AGTPBP1: variants seen among roughly 807,000 people sequenced by gnomAD.
AGTPBP1 encodes the protein cytosolic carboxypeptidase 1.
In AGTPBP1, 70 loss-of-function variants were observed where a neutral mutation model predicts 143.9. The observed-to-expected ratio is 0.49, with a 90% CI of 0.40 to 0.59. The LOEUF (loss-of-function observed/expected upper bound fraction) is 0.59, where lower values mean the gene tolerates loss of function less well. Among genes scored for constraint, AGTPBP1 ranks in the 20% least tolerant of loss-of-function variants. AGTPBP1 has a pLI of 0.00. For missense variants in AGTPBP1, 1,229 were observed against 1,464.5 expected, an observed-to-expected ratio of 0.84 and a Z score of 2.62; for synonymous variants, 463 against 500.2, an observed-to-expected ratio of 0.93 and a Z score of 0.99.
At chr9:85,765,934 T>A in the AGTPBP1 span, among the ~76,000 whole-genome samples, 1 of 152,292 alleles carries the variant, frequency 6.6e-6, no homozygotes, top group East Asian at 1.9e-4. Flanking sequence ...TAGCCCTCTG[T>A]TGCCGTTTTA....
intron 1 of AGTPBP1, among the ~76,000 whole-genome samples, chr9:85,718,459 A>C (rs903346647): frequency 1.3e-5 from 2 of 152,136 alleles, no homozygotes; most frequent in African/African-American, 2.4e-5. Context: ...TGACTGGATA[A>C]ATGTCTTCTT....
At chr9:85,563,044 T>C (rs1280054319) in intron 25 of AGTPBP1, among the ~76,000 whole-genome samples, 3 of 152,198 alleles carry the variant, frequency 2.0e-5, no homozygotes, top group Admixed American at 6.5e-5. Flanking sequence ...CCCCAGACAC[T>C]GAATCTGCTG....
intron 1 of AGTPBP1, among the ~76,000 whole-genome samples, chr9:85,733,743 T>C (rs1030826475): frequency 6.6e-6 from 1 of 152,046 alleles, no homozygotes; most frequent in Non-Finnish European, 1.5e-5. Context: ...GGACTCAAAT[T>C]ACTAAAATCA....
At chr9:85,597,535 ATGTT>A (rs1395192124) in intron 17 of AGTPBP1, among the ~76,000 whole-genome samples, 1 of 152,110 alleles carries the variant, frequency 6.6e-6, no homozygotes, top group African/African-American at 2.4e-5. Flanking sequence ...CAACTTTGTT[ATGTT>A]TAAGTCAAAA....
chr9:85,687,940 A>G (rs1473980149), intron 3 of AGTPBP1, among the ~76,000 whole-genome samples: 2 of 151,596 alleles, frequency 1.3e-5, no homozygotes, highest in African/African-American at 4.8e-5. Flanking sequence ...AAATACAAAA[A>G]ATTAGCCGGG....
chr9:85,801,897 T>C, the AGTPBP1 span, among the ~76,000 whole-genome samples: 1 of 152,238 alleles, frequency 6.6e-6, no homozygotes, highest in Admixed American at 6.5e-5. Flanking sequence ...AACACTACTG[T>C]GGAATCACTC....
intron 11 of AGTPBP1, among the ~76,000 whole-genome samples, chr9:85,648,680 C>T (rs371174303): frequency 1.8e-4 from 28 of 152,156 alleles, no homozygotes; most frequent in East Asian, 5.8e-4. Flanking sequence ...GGCGTGGTGG[C>T]GGGCACGTGT....
chr9:85,705,513 T>A (rs1836929189), intron 2 of AGTPBP1, among the ~76,000 whole-genome samples: 1 of 151,918 alleles, frequency 6.6e-6, no homozygotes, highest in Non-Finnish European at 1.5e-5. Context: ...ATATCTCTGT[T>A]CATTAAAAAA....
At chr9:85,593,188 T>C (rs993040988) in intron 18 of AGTPBP1, among the ~76,000 whole-genome samples, 3 of 152,166 alleles carry the variant, frequency 2.0e-5, no homozygotes, top group Non-Finnish European at 4.4e-5. Context: ...CTATTAAGTA[T>C]TCTTGCCAAA....
chr9:85,772,898 T>C, the AGTPBP1 span, among the ~76,000 whole-genome samples: 1 of 152,182 alleles, frequency 6.6e-6, no homozygotes, highest in Non-Finnish European at 1.5e-5. Flanking sequence ...GTTACAGAAT[T>C]ATTAAATGTA....
chr9:85,639,157 ATT>A (rs1342399170), intron 13 of AGTPBP1, among the ~76,000 whole-genome samples: 1 of 152,152 alleles, frequency 6.6e-6, no homozygotes, highest in Non-Finnish European at 1.5e-5. Flanking sequence ...AAGATTTAAA[ATT>A]TTTTATCTTT....
intron 2 of AGTPBP1, among the ~76,000 whole-genome samples, chr9:85,707,039 C>T (rs917838407): frequency 6.6e-5 from 10 of 151,608 alleles, no homozygotes; most frequent in South Asian, 2.1e-4. Flanking sequence ...AGAAAAAATA[C>T]ATCATGCTGA....
At chr9:85,696,595 G>A (rs796434238) in intron 2 of AGTPBP1, among the ~76,000 whole-genome samples, 40 of 152,096 alleles carry the variant, frequency 2.6e-4, no homozygotes, top group African/African-American at 9.4e-4. Flanking sequence ...TTGAACCCGG[G>A]AGGTGGAGGC....
At chr9:85,681,893 GT>G (rs1254298444) in intron 3 of AGTPBP1, among the ~76,000 whole-genome samples, 2 of 151,676 alleles carry the variant, frequency 1.3e-5, no homozygotes, top group Non-Finnish European at 2.9e-5. Context: ...GGGATTACAA[GT>G]GTGTGCCACC....
At chr9:85,743,603 A>G (rs1824513827), upstream of AGTPBP1, among the ~76,000 whole-genome samples, 1 of 152,204 alleles carries the variant, frequency 6.6e-6, no homozygotes, top group Admixed American at 6.5e-5. Context: ...TATATATGTT[A>G]CTGACCTCAA....
intron 3 of AGTPBP1, among the ~76,000 whole-genome samples, chr9:85,687,074 G>A (rs759838381): frequency 8.5e-5 from 13 of 152,064 alleles, no homozygotes; most frequent in Non-Finnish European, 1.8e-4. Context: ...ATAATCATTC[G>A]GCAGCTGGAG....
chr9:85,757,449 A>G, the AGTPBP1 span, among the ~76,000 whole-genome samples: 1 of 152,022 alleles, frequency 6.6e-6, no homozygotes, highest in Admixed American at 6.6e-5. Flanking sequence ...AAAAGCCATA[A>G]AAGGGAAAAG....
At chr9:85,775,619 T>C in the AGTPBP1 span, among the ~76,000 whole-genome samples, 2 of 149,708 alleles carry the variant, frequency 1.3e-5, no homozygotes, top group African/African-American at 4.9e-5. Flanking sequence ...GGGGAGTTTA[T>C]TAAGTATTGA....
rs1830697675 is a variant in AGTPBP1, at chr9:85,618,085, CA to C, written c.2335+897del. ...TGAAACCCCATCTCTACTAAAAGTACAAAAATTATCCAGGCGTGGTGGCACG... is the reference window on the plus strand; with the variant it reads ...TGAAACCCCATCTCTACTAAAAGTACAAAATTATCCAGGCGTGGTGGCACG... On this transcript the variant is annotated intron_variant, in intron 17 of 25. Coordinates refer to ENST00000357081, the MANE Select transcript of AGTPBP1 (RefSeq NM_001330701.2). Among the ~76,000 whole-genome samples the C allele has an allele frequency of 5.3e-5, 8 of 152,066 alleles. No homozygotes were observed. In the South Asian group the frequency reaches 1.7e-3, roughly 32 times the overall value.
Sources: gnomAD v4.1 joint callset for allele counts (sites outside exome capture counted in the v4.1 genomes callset) on GRCh38, gnomAD v4.1.1 for gene constraint, MANE v1.5 for transcripts, NCBI Gene and HGNC (gene_info 2026-07-23, HGNC 2026-07-21) for gene names.